The following TMEM223 variants were observed in gnomAD, a reference collection of about 807,000 sequenced individuals.
TMEM223 encodes transmembrane protein 223.
Under a neutral mutation model 14.1 loss-of-function variants are expected in TMEM223, and 14 were observed. The observed-to-expected ratio is 0.99, with a 90% confidence interval of 0.66 to 1.55. TMEM223 has a LOEUF of 1.55. Among genes scored for constraint, TMEM223 ranks in the 40% most tolerant of loss-of-function variants. The probability of loss-of-function intolerance (pLI) is 0.00; values close to 1 mark genes in which losing one functional copy is unlikely to be tolerated. For missense variants in TMEM223, 346 were observed against 269.9 expected, an observed-to-expected ratio of 1.28 and a Z score of -1.97; for synonymous variants, 145 against 120.5, an observed-to-expected ratio of 1.20 and a Z score of -1.33.
intron 1 of TMEM223, among the ~76,000 whole-genome samples, chr11:62,776,942 T>C (rs1417617928): frequency 6.7e-6 from 1 of 148,212 alleles, no homozygotes; most frequent in Non-Finnish European, 1.5e-5. Flanking sequence ...AAGTCAGGAG[T>C]TTGAGACCAA....
chr11:62,772,017 T>TA, exon 3 of TMEM223: 1 of 446,566 alleles, frequency 2.2e-6, no homozygotes, highest in East Asian at 7.0e-5. Context: ...CGGTATAGAG[T>TA]AAAGATTAGG....
At chr11:62,772,031 A>G (rs936983721) in exon 3 of TMEM223, 1 of 453,216 alleles carries the variant, frequency 2.2e-6, no homozygotes, top group African/African-American at 2.0e-5. Flanking sequence ...GATTAGGAGC[A>G]AGGGGTTGAG....
chr11:62,775,576 A>G (rs577966296), intron 1 of TMEM223: 9 of 562,128 alleles, frequency 1.6e-5, no homozygotes, highest in East Asian at 1.2e-4. Context: ...GACTTTGTCT[A>G]GCTTCACCGT....
chr11:62,787,506 C>T (rs1025020702), downstream of TMEM223: 6 of 1,576,906 alleles, frequency 3.8e-6, no homozygotes, highest in South Asian at 2.3e-5. Context: ...CCGTGGCGGC[C>T]GCGGCGATGA....
intron 1 of TMEM223, chr11:62,779,045 AGTTTC>A (rs2084208324): frequency 8.4e-7 from 1 of 1,190,968 alleles, no homozygotes; most frequent in Admixed American, 1.9e-5. Context: ...TTTGAGACAG[AGTTTC>A]GCTCTTGTTG....
chr11:62,785,405 G>A (rs543851284), downstream of TMEM223, among the ~76,000 whole-genome samples: 111 of 150,250 alleles, frequency 7.4e-4, no homozygotes, highest in African/African-American at 2.5e-3. Flanking sequence ...GCTGGCCAGG[G>A]CTCGTCTCGA....
chr11:62,780,758 C>T (rs141429817), intron 1 of TMEM223, among the ~76,000 whole-genome samples: 1,614 of 136,810 alleles, frequency 0.012, 25 homozygotes, highest in Non-Finnish European at 0.019. Context: ...GGTGATTTCC[C>T]GTTGGATATC....
At chr11:62,781,926 G>A (rs777959397) in intron 1 of TMEM223, 4 of 1,614,178 alleles carry the variant, frequency 2.5e-6, no homozygotes, top group Non-Finnish European at 2.5e-6. Context: ...CGAACTCCAA[G>A]ATTGGGGCAC....
chr11:62,788,260 G>A (rs1485896120), downstream of TMEM223, among the ~76,000 whole-genome samples: 1 of 151,792 alleles, frequency 6.6e-6, no homozygotes, highest in Non-Finnish European at 1.5e-5. Context: ...AAAATTAGCC[G>A]GGTGTGGTGG....
downstream of TMEM223, chr11:62,782,585 A>C: frequency 6.7e-7 from 1 of 1,499,232 alleles, no homozygotes; most frequent in Non-Finnish European, 9.0e-7. Context: ...ACTTAACCCC[A>C]GCACTCCCGA....
intron 2 of TMEM223, among the ~76,000 whole-genome samples, chr11:62,774,143 C>G (rs567048680): frequency 5.3e-5 from 8 of 151,870 alleles, no homozygotes; most frequent in Admixed American, 3.3e-4. Flanking sequence ...GTGGCGTGAT[C>G]TCGGCTCACT....
downstream of TMEM223, chr11:62,771,561 G>T: frequency 6.2e-6 from 1 of 161,322 alleles, no homozygotes; most frequent in Non-Finnish European, 1.4e-5. Context: ...CAGTCTTGGA[G>T]CCCGCACCGC....
chr11:62,777,754 T>C (rs752099383), intron 1 of TMEM223, among the ~76,000 whole-genome samples: 3 of 152,158 alleles, frequency 2.0e-5, no homozygotes, highest in Non-Finnish European at 4.4e-5. Context: ...CTTCCAGTTA[T>C]GGGAGGAGCG....
intron 1 of TMEM223, among the ~76,000 whole-genome samples, chr11:62,777,259 G>A (rs955116357): frequency 5.9e-5 from 9 of 152,020 alleles, no homozygotes; most frequent in Non-Finnish European, 7.4e-5. Flanking sequence ...ACTGGAAGGC[G>A]TAGGTTGCAG....
In TMEM223 at chr11:62,778,157, G is replaced by A. The variant is rs751899612; in HGVS notation, c.315-3492C>T. On this transcript the variant is annotated intron_variant, in intron 1 of 2. Transcript: ENST00000528367. ...GCTGCCGGGGTCCTGCATGGGTTGG[G>A]GATGGGAGTTGGGCCGTGAAGAGAA... 10 of 1,613,988 alleles carry A rather than the reference G, an allele frequency of 6.2e-6. No individual in the cohort carries two copies. In the East Asian group the frequency reaches 2.2e-4, roughly 36 times the overall value.
At chr11:62,777,262 G>T (rs552691143) in intron 1 of TMEM223, among the ~76,000 whole-genome samples, 1 of 152,288 alleles carries the variant, frequency 6.6e-6, no homozygotes, top group Admixed American at 6.5e-5. Context: ...GGAAGGCGTA[G>T]GTTGCAGTGA....
At chr11:62,775,519 GT>G in intron 1 of TMEM223, 1 of 409,046 alleles carries the variant, frequency 2.4e-6, no homozygotes. Flanking sequence ...CACATAGAAG[GT>G]GACAGGGCAG....
At chr11:62,772,421 G>A (rs1374074440) in intron 2 of TMEM223, among the ~76,000 whole-genome samples, 1 of 151,954 alleles carries the variant, frequency 6.6e-6, no homozygotes, top group Non-Finnish European at 1.5e-5. Context: ...TACTCGGGAG[G>A]CTGAGGCAGG....
Position 62,778,017 on chromosome 11 carries a change from C to T in TMEM223, c.315-3352G>A, listed in dbSNP as rs766401073. ...CGGATCACAGGAGGCACTGCCCATG[C>T]GCCCCGCCAGGGAGGGTGAACTCTA... On this transcript the variant is annotated intron_variant, in intron 1 of 2. Coordinates refer to the TMEM223 transcript ENST00000528367. 3.7e-5 allele frequency: 59 copies of T among 1,614,062 alleles called. No homozygotes were observed. Among genetic ancestry groups the T allele is most frequent in the Non-Finnish European group, 4.2e-5 (49 of 1,180,030 alleles).
Sources: allele counts gnomAD v4.1 joint callset (sites outside exome capture counted in the v4.1 genomes callset), GRCh38; gene constraint gnomAD v4.1.1; transcripts MANE v1.5; gene names NCBI Gene and HGNC (gene_info 2026-07-23, HGNC 2026-07-21).